The following TENM3 variants were observed in gnomAD, a reference collection of about 807,000 sequenced individuals.
The protein encoded by TENM3 is teneurin transmembrane protein 3.
A neutral mutation model predicts 255.1 loss-of-function variants in TENM3; 63 were observed. That is an observed-to-expected ratio of 0.25 (90% CI 0.20 to 0.30). The LOEUF is 0.30. Ranked by LOEUF, TENM3 falls within the 10% of genes least tolerant of loss-of-function variation. The pLI, the probability that TENM3 is intolerant of heterozygous loss-of-function variation, is 1.00. For synonymous variants in TENM3, 1,306 were observed against 1,322.3 expected, an observed-to-expected ratio of 0.99 and a Z score of 0.27; for missense variants, 2,929 against 3,461.1, an observed-to-expected ratio of 0.85 and a Z score of 3.86.
chr4:181,550,148 G>A, the TENM3 span, among the ~76,000 whole-genome samples: 3 of 152,146 alleles, frequency 2.0e-5, no homozygotes, highest in African/African-American at 7.2e-5. Context: ...GTCACAAAAT[G>A]TCTTTTCATA....
At chr4:182,188,803 A>G (rs1454531267) in intron 1 of TENM3, among the ~76,000 whole-genome samples, 1 of 152,148 alleles carries the variant, frequency 6.6e-6, no homozygotes, top group Non-Finnish European at 1.5e-5. Context: ...TCTCCAAAGC[A>G]TCTGGCCCTG....
At chr4:182,253,883 A>C (rs1394028155) in intron 1 of TENM3, among the ~76,000 whole-genome samples, 1 of 152,142 alleles carries the variant, frequency 6.6e-6, no homozygotes, top group Non-Finnish European at 1.5e-5. Flanking sequence ...TACAGTTTAC[A>C]GCAAAAAGTA....
the TENM3 span, among the ~76,000 whole-genome samples, chr4:181,863,406 C>T: frequency 0.046 from 6,966 of 152,112 alleles, 544 homozygotes; most frequent in African/African-American, 0.16. Flanking sequence ...CATGAAGAAA[C>T]GCTCCATTGG....
the TENM3 span, among the ~76,000 whole-genome samples, chr4:181,910,565 A>G: frequency 6.7e-6 from 1 of 148,878 alleles, no homozygotes; most frequent in Non-Finnish European, 1.5e-5. Flanking sequence ...ATACATATAT[A>G]TATATATAAT....
the TENM3 span, among the ~76,000 whole-genome samples, chr4:182,116,437 G>T: frequency 6.6e-6 from 1 of 152,154 alleles, no homozygotes; most frequent in Admixed American, 6.5e-5. Flanking sequence ...AGTAGGAAGT[G>T]ATTTGATCAT....
chr4:182,078,774 A>G, the TENM3 span, among the ~76,000 whole-genome samples: 143 of 152,158 alleles, frequency 9.4e-4, no homozygotes, highest in Middle Eastern at 3.4e-3. Flanking sequence ...AGAGGGGAAT[A>G]ATATTTAGAG....
At chr4:181,878,518 G>A in the TENM3 span, among the ~76,000 whole-genome samples, 1 of 152,066 alleles carries the variant, frequency 6.6e-6, no homozygotes, top group African/African-American at 2.4e-5. Context: ...GATCTTCAGT[G>A]TTTTTGGTAG....
At chr4:181,503,916 TG>T in the TENM3 span, among the ~76,000 whole-genome samples, 1 of 152,220 alleles carries the variant, frequency 6.6e-6, no homozygotes, top group African/African-American at 2.4e-5. Context: ...CTTCCATGGC[TG>T]GAAGTGTCTC....
At chr4:181,536,085 A>G in the TENM3 span, among the ~76,000 whole-genome samples, 3 of 152,176 alleles carry the variant, frequency 2.0e-5, no homozygotes, top group Admixed American at 2.0e-4. Flanking sequence ...GCCAAAAACC[A>G]TCTCCGACTT....
chr4:182,246,047 A>C (rs1476674952), intron 1 of TENM3, among the ~76,000 whole-genome samples: 3 of 152,086 alleles, frequency 2.0e-5, no homozygotes, highest in Non-Finnish European at 4.4e-5. Context: ...ATAGCGTAAG[A>C]GCTCACTTGT....
At chr4:182,221,134 A>G (rs1191571464) in intron 1 of TENM3, among the ~76,000 whole-genome samples, 1 of 152,230 alleles carries the variant, frequency 6.6e-6, no homozygotes, top group Non-Finnish European at 1.5e-5. Context: ...ATTTTGAAAC[A>G]GTTCTTGATT....
the TENM3 span, among the ~76,000 whole-genome samples, chr4:181,730,708 TTAA>T: frequency 6.6e-6 from 1 of 152,202 alleles, no homozygotes; most frequent in Non-Finnish European, 1.5e-5. Context: ...CTTTTATAAT[TTAA>T]TATGATCTAA....
chr4:181,554,565 T>C, the TENM3 span, among the ~76,000 whole-genome samples: 12 of 152,328 alleles, frequency 7.9e-5, no homozygotes, highest in South Asian at 1.7e-3. Context: ...AATGTTGTCA[T>C]TGTGTGGCTA....
chr4:182,190,972 G>A (rs1428988980), intron 1 of TENM3, among the ~76,000 whole-genome samples: 1 of 152,116 alleles, frequency 6.6e-6, no homozygotes, highest in Non-Finnish European at 1.5e-5. Context: ...CTGTGTGCTA[G>A]GCCCTATCCT....
At chr4:181,776,385 T>A in the TENM3 span, among the ~76,000 whole-genome samples, 1 of 152,118 alleles carries the variant, frequency 6.6e-6, no homozygotes, top group Non-Finnish European at 1.5e-5. Context: ...AATACAGAGA[T>A]CCCAGAATCC....
chr4:182,372,510 C>G (rs1283227956), intron 3 of TENM3, among the ~76,000 whole-genome samples: 2 of 151,916 alleles, frequency 1.3e-5, no homozygotes, highest in African/African-American at 4.8e-5. Flanking sequence ...TATATTCTTC[C>G]AAGATTTCTT....
At chr4:181,609,827 C>T in the TENM3 span, among the ~76,000 whole-genome samples, 7 of 152,202 alleles carry the variant, frequency 4.6e-5, no homozygotes, top group South Asian at 2.1e-4. Flanking sequence ...ATGTATGAGG[C>T]GCTGCAATAT....
At chr4:181,880,316 T>A in the TENM3 span, among the ~76,000 whole-genome samples, 1 of 152,248 alleles carries the variant, frequency 6.6e-6, no homozygotes, top group Non-Finnish European at 1.5e-5. Context: ...GATAGGAAAA[T>A]TGTTTAAATA....
At chr4:181,701,669 T>C in the TENM3 span, among the ~76,000 whole-genome samples, 2 of 152,180 alleles carry the variant, frequency 1.3e-5, no homozygotes, top group African/African-American at 4.8e-5. Context: ...AGTGAAAGAC[T>C]CCTAGAGGGC....
Sources: allele counts gnomAD v4.1 joint callset (sites outside exome capture counted in the v4.1 genomes callset), GRCh38; gene constraint gnomAD v4.1.1; transcripts MANE v1.5; gene names NCBI Gene and HGNC (gene_info 2026-07-23, HGNC 2026-07-21).